Variants in RAD51B observed in about 807,000 individuals in gnomAD.
RAD51B encodes the protein RAD51 paralog B.
Under a neutral mutation model 42.2 loss-of-function variants are expected in RAD51B, and 38 were observed. That is an observed-to-expected ratio of 0.90 (90% CI 0.70 to 1.18). The LOEUF is 1.18. Ranked by LOEUF, RAD51B falls within the 50% of genes most tolerant of loss-of-function variation. The pLI, the probability that RAD51B is intolerant of heterozygous loss-of-function variation, is 0.00. For missense variants in RAD51B, 373 were observed against 400.7 expected (o/e 0.93, Z 0.59); for synonymous variants, 154 against 145.2 (o/e 1.06, Z -0.43).
intron 7 of RAD51B, among the ~76,000 whole-genome samples, chr14:67,939,296 T>G (rs2045074588): frequency 6.6e-6 from 1 of 152,144 alleles, no homozygotes; most frequent in Non-Finnish European, 1.5e-5. Flanking sequence ...ATACCCAATA[T>G]GTAATATGTG....
At chr14:67,883,057 C>G (rs1036796104) in intron 5 of RAD51B, among the ~76,000 whole-genome samples, 4 of 152,164 alleles carry the variant, frequency 2.6e-5, no homozygotes, top group African/African-American at 9.7e-5. Context: ...GAAATTCTTT[C>G]AGCTCCTCTT....
intron 7 of RAD51B, among the ~76,000 whole-genome samples, chr14:68,260,927 A>C (rs565304993): frequency 5.3e-5 from 8 of 152,276 alleles, no homozygotes; most frequent in Non-Finnish European, 1.0e-4. Context: ...TAAGTACATT[A>C]AGTACATTCA....
intron 7 of RAD51B, among the ~76,000 whole-genome samples, chr14:67,916,804 C>G (rs934677900): frequency 3.3e-5 from 5 of 152,178 alleles, no homozygotes; most frequent in African/African-American, 1.2e-4. Flanking sequence ...TTATTAGTCA[C>G]TCTTCTATGT....
chr14:68,558,453 G>C (rs1396352034), intron 10 of RAD51B, among the ~76,000 whole-genome samples: 1 of 152,246 alleles, frequency 6.6e-6, no homozygotes, highest in Non-Finnish European at 1.5e-5. Flanking sequence ...CTGGAGGCTA[G>C]AGGTGTGATA....
At chr14:68,606,609 G>T (rs1165250581) in intron 10 of RAD51B, among the ~76,000 whole-genome samples, 2 of 152,104 alleles carry the variant, frequency 1.3e-5, no homozygotes, top group East Asian at 3.8e-4. Flanking sequence ...ACACACCATT[G>T]GGTTCCCTGG....
chr14:68,546,669 A>G (rs1888251850), intron 10 of RAD51B, among the ~76,000 whole-genome samples: 1 of 152,156 alleles, frequency 6.6e-6, no homozygotes, highest in Non-Finnish European at 1.5e-5. Flanking sequence ...TAGAAGCCCC[A>G]AAACTGGAGG....
rs1485994919 is a variant in RAD51B at position 67,893,516 on chromosome 14, A to AAAAAAC, written c.756+6314_756+6315insAAACAA. On this transcript the variant is annotated intron_variant, in intron 7 of 10. Coordinates refer to ENST00000471583, the MANE Select transcript of RAD51B (RefSeq NM_133510.4). ...CACACACACACACACACACAAAAAAAAACAATTAGCTGGGTGTGGTGCTAC... is the reference window on the plus strand; with the variant it reads ...CACACACACACACACACACAAAAAAAAAAAACAACAATTAGCTGGGTGTGGTGCTAC... Among the ~76,000 whole-genome samples, 19 of 102,864 alleles carry AAAAAAC rather than the reference A, an allele frequency of 1.8e-4. 1 individual carries two copies. The highest frequency in any genetic ancestry group is 2.7e-4 in the Admixed American group (3 of 10,946). 67.5% of individuals were successfully genotyped at this position (102,864 alleles called of 152,430 possible).
At chr14:68,603,279 T>A (rs568567878) in intron 10 of RAD51B, among the ~76,000 whole-genome samples, 1 of 152,340 alleles carries the variant, frequency 6.6e-6, no homozygotes, top group South Asian at 2.1e-4. Context: ...GCGTCACTTA[T>A]GAAATCATAA....
intron 7 of RAD51B, among the ~76,000 whole-genome samples, chr14:68,180,824 A>G: frequency 6.6e-6 from 1 of 152,194 alleles, no homozygotes; most frequent in Non-Finnish European, 1.5e-5. Context: ...TGTGAGACCA[A>G]GGGCTTTTCT....
intron 7 of RAD51B, among the ~76,000 whole-genome samples, chr14:67,918,193 CAGAG>C (rs141532274): frequency 4.0e-5 from 6 of 151,568 alleles, no homozygotes; most frequent in South Asian, 2.1e-4. Context: ...AAAAGATTTT[CAGAG>C]AGAGAGAGAG....
At chr14:68,173,587 A>G (rs1297019455) in intron 7 of RAD51B, among the ~76,000 whole-genome samples, 4 of 152,208 alleles carry the variant, frequency 2.6e-5, no homozygotes, top group Admixed American at 6.6e-5. Context: ...ATCACATGCA[A>G]TATGAGTAAT....
intron 10 of RAD51B, among the ~76,000 whole-genome samples, chr14:68,603,395 C>T (rs1387380010): frequency 2.6e-5 from 4 of 152,176 alleles, no homozygotes; most frequent in East Asian, 3.8e-4. Flanking sequence ...TGACAGTGGT[C>T]TGTAGGGATG....
chr14:68,649,378 T>G (rs1892652515), intron 10 of RAD51B, among the ~76,000 whole-genome samples: 1 of 152,170 alleles, frequency 6.6e-6, no homozygotes, highest in Non-Finnish European at 1.5e-5. Flanking sequence ...GGCTTTATGT[T>G]CTAAGCATTC....
At chr14:68,053,689 A>T (rs2076429846) in intron 7 of RAD51B, among the ~76,000 whole-genome samples, 1 of 152,186 alleles carries the variant, frequency 6.6e-6, no homozygotes, top group African/African-American at 2.4e-5. Flanking sequence ...CTGGTCAAGA[A>T]GAACCTTTTA....
intron 9 of RAD51B, among the ~76,000 whole-genome samples, chr14:68,445,541 GATTA>G (rs1471339576): frequency 8.5e-5 from 13 of 152,236 alleles, no homozygotes; most frequent in African/African-American, 2.6e-4. Context: ...ATCCCAAAGA[GATTA>G]ATTGTTAGTT....
intron 3 of RAD51B, among the ~76,000 whole-genome samples, chr14:67,828,079 T>C (rs897547222): frequency 4.7e-5 from 7 of 147,826 alleles, no homozygotes; most frequent in African/African-American, 1.8e-4. Flanking sequence ...TCTTCCACGA[T>C]GGTTGAATTA....
intron 9 of RAD51B, among the ~76,000 whole-genome samples, chr14:68,448,746 C>T (rs904987643): frequency 3.3e-5 from 5 of 152,012 alleles, no homozygotes; most frequent in Admixed American, 2.0e-4. Context: ...CTGGTGACAC[C>T]GAATTGCATA....
chr14:67,952,958 C>A (rs192836865), intron 7 of RAD51B, among the ~76,000 whole-genome samples: 7 of 151,972 alleles, frequency 4.6e-5, no homozygotes, highest in Admixed American at 4.6e-4. Flanking sequence ...AAACTGAATG[C>A]CTGTAATTAC....
intron 10 of RAD51B, among the ~76,000 whole-genome samples, chr14:68,648,156 T>C (rs1892621805): frequency 9.1e-6 from 1 of 109,960 alleles, no homozygotes; most frequent in Non-Finnish European, 1.9e-5. Context: ...TACACACACG[T>C]ATATATATAT....
Sources: gnomAD v4.1 joint callset for allele counts (sites outside exome capture counted in the v4.1 genomes callset) on GRCh38, gnomAD v4.1.1 for gene constraint, MANE v1.5 for transcripts, NCBI Gene and HGNC (gene_info 2026-07-23, HGNC 2026-07-21) for gene names.